STK33: variants seen among roughly 807,000 people sequenced by gnomAD.
STK33 encodes serine/threonine kinase 33.
A neutral mutation model predicts 58.0 loss-of-function variants in STK33; 52 were observed. The ratio of observed to expected loss-of-function variants is 0.90; its 90% CI spans 0.72 to 1.13. STK33 has a LOEUF of 1.13. Ranked by LOEUF, STK33 falls within the 50% of genes most tolerant of loss-of-function variation. The probability of loss-of-function intolerance (pLI) is 0.00; values close to 1 mark genes in which losing one functional copy is unlikely to be tolerated. For missense variants in STK33, 630 were observed against 604.2 expected, an observed-to-expected ratio of 1.04 and a Z score of -0.45; for synonymous variants, 215 against 200.1, an observed-to-expected ratio of 1.07 and a Z score of -0.63.
intron 1 of STK33, among the ~76,000 whole-genome samples, chr11:8,557,042 G>C (rs905238175): frequency 2.0e-5 from 3 of 151,742 alleles, no homozygotes; most frequent in Admixed American, 6.6e-5. Flanking sequence ...CTTGAGCCCA[G>C]GGGTTCAAGA....
chr11:8,581,743 T>C lies in STK33; in HGVS notation c.-466+12340A>G, dbSNP rs181492921. Among the ~76,000 whole-genome samples the C allele has an allele frequency of 3.9e-4, 59 of 152,378 alleles. 1 individual carries two copies. In the East Asian group the frequency reaches 0.011, roughly 28 times the overall value. On this transcript the variant is annotated intron_variant, in intron 1 of 15. Transcript: ENST00000687296. ...CAGTTTAAAGGCATTTCATCCACAATGAGCAAAAGCTAAATGCACTAAATC... is the reference window on the plus strand; with the variant it reads ...CAGTTTAAAGGCATTTCATCCACAACGAGCAAAAGCTAAATGCACTAAATC...
chr11:8,410,322 T>C (rs2311391), intron 15 of STK33, among the ~76,000 whole-genome samples: 91,745 of 151,940 alleles, frequency 0.6, 28,535 homozygotes, highest in African/African-American at 0.74. Context: ...TTCAAAGTTT[T>C]TAAACCACCA....
At chr11:8,441,383 A>C (rs1253806080) in intron 11 of STK33, among the ~76,000 whole-genome samples, 1 of 151,302 alleles carries the variant, frequency 6.6e-6, no homozygotes, top group Non-Finnish European at 1.5e-5. Context: ...ACAGGGTCTC[A>C]CTCTATTGTC....
intron 7 of STK33, among the ~76,000 whole-genome samples, chr11:8,462,542 C>T (rs10769908): frequency 0.55 from 82,989 of 150,746 alleles, 23,229 homozygotes; most frequent in African/African-American, 0.65. Context: ...TGCACTGTTA[C>T]TTCCTGGCCT....
the STK33 span, among the ~76,000 whole-genome samples, chr11:8,339,825 C>T: frequency 6.6e-6 from 1 of 152,244 alleles, no homozygotes; most frequent in Non-Finnish European, 1.5e-5. Context: ...CAACCTCTTC[C>T]CGGGTCTCCT....
At chr11:8,364,645 T>A in the STK33 span, among the ~76,000 whole-genome samples, 1 of 152,210 alleles carries the variant, frequency 6.6e-6, no homozygotes, top group Admixed American at 6.5e-5. Flanking sequence ...AGACTGAAAC[T>A]GCTTAATTAA....
chr11:8,366,186 A>C, the STK33 span, among the ~76,000 whole-genome samples: 1 of 152,166 alleles, frequency 6.6e-6, no homozygotes, highest in Non-Finnish European at 1.5e-5. Context: ...CTAGGCCTGG[A>C]GTGGGCCCAT....
chr11:8,431,015 C>G (rs900286147), intron 14 of STK33, among the ~76,000 whole-genome samples: 1 of 151,816 alleles, frequency 6.6e-6, no homozygotes, highest in Admixed American at 6.6e-5. Flanking sequence ...TACCAGCACC[C>G]GCCACCACGC....
At chr11:8,401,987 G>C (rs1938093346) in intron 15 of STK33, among the ~76,000 whole-genome samples, 3 of 152,246 alleles carry the variant, frequency 2.0e-5, no homozygotes, top group African/African-American at 7.2e-5. Context: ...AGAAGATGTG[G>C]AGAAATAGGA....
the STK33 span, among the ~76,000 whole-genome samples, chr11:8,378,276 C>T: frequency 3.9e-5 from 6 of 152,156 alleles, no homozygotes; most frequent in South Asian, 2.1e-4. Context: ...CCCAGCACTT[C>T]GGGAGGCCGA....
chr11:8,343,380 C>T, the STK33 span, among the ~76,000 whole-genome samples: 1 of 152,212 alleles, frequency 6.6e-6, no homozygotes, highest in Non-Finnish European at 1.5e-5. Context: ...GTCTCCCTTG[C>T]CATATGACTG....
intron 6 of STK33, among the ~76,000 whole-genome samples, chr11:8,468,961 G>A (rs1331521414): frequency 6.6e-6 from 1 of 151,980 alleles, no homozygotes; most frequent in Non-Finnish European, 1.5e-5. Flanking sequence ...ATGCTGCATT[G>A]CAAAAAAAAA....
chr11:8,388,090 G>A (rs574495077), downstream of STK33, among the ~76,000 whole-genome samples: 72 of 152,300 alleles, frequency 4.7e-4, no homozygotes, highest in African/African-American at 1.6e-3. Flanking sequence ...CATTCTCTGG[G>A]CCAGGACAGG....
At chr11:8,558,109 T>C (rs1228483955) in intron 1 of STK33, among the ~76,000 whole-genome samples, 1 of 152,170 alleles carries the variant, frequency 6.6e-6, no homozygotes, top group Non-Finnish European at 1.5e-5. Flanking sequence ...TCAGAAATGT[T>C]GAGCTAACTT....
intron 1 of STK33, among the ~76,000 whole-genome samples, chr11:8,490,958 G>A (rs1950565493): frequency 6.6e-6 from 1 of 152,100 alleles, no homozygotes. Flanking sequence ...AAAGACCAAA[G>A]GTAGATAAAA....
chr11:8,555,885 A>G (rs1403809405), intron 1 of STK33, among the ~76,000 whole-genome samples: 1 of 152,168 alleles, frequency 6.6e-6, no homozygotes, highest in East Asian at 1.9e-4. Context: ...AAAGTACCTA[A>G]AAAACAGTAA....
intron 15 of STK33, among the ~76,000 whole-genome samples, chr11:8,410,444 G>A (rs1198034482): frequency 6.7e-6 from 1 of 149,818 alleles, no homozygotes; most frequent in Non-Finnish European, 1.5e-5. Context: ...AGAAAATAAT[G>A]GCAAAAATCT....
chr11:8,500,334 C>T (rs1951419536), intron 1 of STK33, among the ~76,000 whole-genome samples: 1 of 134,744 alleles, frequency 7.4e-6, no homozygotes, highest in African/African-American at 2.8e-5. Flanking sequence ...ACAGAAACAC[C>T]CCCCAACACA....
chr11:8,545,047 C>T (rs1379277170), intron 1 of STK33, among the ~76,000 whole-genome samples: 1 of 152,170 alleles, frequency 6.6e-6, no homozygotes, highest in Non-Finnish European at 1.5e-5. Flanking sequence ...AAGTGAAGGG[C>T]ACAACTTCTG....
Sources: gnomAD v4.1 joint callset for allele counts (sites outside exome capture counted in the v4.1 genomes callset) on GRCh38, gnomAD v4.1.1 for gene constraint, MANE v1.5 for transcripts, NCBI Gene and HGNC (gene_info 2026-07-23, HGNC 2026-07-21) for gene names.